The following LIN9 variants were observed in gnomAD, a reference collection of about 807,000 sequenced individuals.
LIN9 encodes protein lin-9 homolog.
Under a neutral mutation model 78.0 loss-of-function variants are expected in LIN9, and 18 were observed. The observed-to-expected ratio is 0.23, with a 90% CI of 0.16 to 0.34. LIN9 has a LOEUF of 0.34. Among genes scored for constraint, LIN9 ranks in the 10% least tolerant of loss-of-function variants. LIN9 has a pLI of 1.00. For synonymous variants in LIN9, 192 were observed against 215.2 expected (o/e 0.89, Z 0.94); for missense variants, 451 against 644.1 (o/e 0.70, Z 3.25).
At chr1:226,304,658 C>A (rs574711896) in intron 1 of LIN9, among the ~76,000 whole-genome samples, 10 of 152,130 alleles carry the variant, frequency 6.6e-5, no homozygotes, top group Non-Finnish European at 1.3e-4. Context: ...AGCAGGAAAT[C>A]AAAGCAATGA....
intron 10 of LIN9, among the ~76,000 whole-genome samples, chr1:226,258,661 C>A (rs747379597): frequency 6.6e-6 from 1 of 151,206 alleles, no homozygotes; most frequent in Non-Finnish European, 1.5e-5. Flanking sequence ...GAGGCTGATG[C>A]GAGCGGATCA....
chr1:226,264,155 G>A (rs570089887), intron 10 of LIN9, among the ~76,000 whole-genome samples: 78 of 152,162 alleles, frequency 5.1e-4, no homozygotes, highest in African/African-American at 1.7e-3. Flanking sequence ...GGCCGAGGGC[G>A]ATCATGTGAG....
intron 11 of LIN9, among the ~76,000 whole-genome samples, chr1:226,240,383 TA>T: frequency 8.1e-6 from 1 of 123,964 alleles, no homozygotes; most frequent in Non-Finnish European, 1.6e-5. Context: ...CAGCTTGTTC[TA>T]AGTTTTTTTT....
In LIN9 at chr1:226,265,638, T is replaced by C. The variant is rs778251019; in HGVS notation, c.937-4A>G. Reference sequence around the variant, plus strand: ...GTCCTAATAAAGGATCATTATCCTATGGGAATAAAAAGGAATTATTTAATC... The same window carrying C: ...GTCCTAATAAAGGATCATTATCCTACGGGAATAAAAAGGAATTATTTAATC... On this transcript the variant is annotated splice_region_variant and splice_polypyrimidine_tract_variant and intron_variant, in intron 9 of 14. Coordinates refer to ENST00000681046, the MANE Select transcript of LIN9 (RefSeq NM_001366245.2). The surrounding 1 kb of genome is among the most constrained non-coding windows in gnomAD (Gnocchi z 4.1). 10 of 1,493,534 alleles carry C rather than the reference T, an allele frequency of 6.7e-6. No individual in the cohort carries two copies. The South Asian group carries it at 1.0e-4, about 15-fold the overall frequency. 92.5% of individuals were successfully genotyped at this position (1,493,534 alleles called of 1,614,324 possible).
chr1:226,289,574 T>A (rs1001469691), intron 4 of LIN9, among the ~76,000 whole-genome samples: 3 of 151,652 alleles, frequency 2.0e-5, no homozygotes, highest in Admixed American at 6.6e-5. Context: ...TGTTACCAGG[T>A]TGGTCCCAAA....
At chr1:226,237,632 C>CAAAAAA (rs1167453006) in intron 12 of LIN9, among the ~76,000 whole-genome samples, 1 of 57,420 alleles carries the variant, frequency 1.7e-5, no homozygotes, top group Non-Finnish European at 3.3e-5. Context: ...AACTCTGTCT[C>CAAAAAA]AAAAAAAAAA....
At chr1:226,233,908 T>C (rs905152014) in intron 12 of LIN9, among the ~76,000 whole-genome samples, 1 of 152,222 alleles carries the variant, frequency 6.6e-6, no homozygotes, top group Non-Finnish European at 1.5e-5. Flanking sequence ...TCACTCCAGT[T>C]TGTATTTCCT....
At chr1:226,241,979 T>C (rs1170288593) in intron 11 of LIN9, among the ~76,000 whole-genome samples, 1 of 152,218 alleles carries the variant, frequency 6.6e-6, no homozygotes, top group Admixed American at 6.5e-5. Flanking sequence ...TCTAAAAATA[T>C]TTTTTGAGCT....
chr1:226,273,781 A>G lies in LIN9; in HGVS notation c.682+3994T>C, dbSNP rs946599809. Among the ~76,000 whole-genome samples, 10 of 151,970 alleles carry G rather than the reference A, an allele frequency of 6.6e-5. 1 individual carries two copies. In the South Asian group the frequency reaches 1.0e-3, roughly 16 times the overall value. Reference sequence around the variant, plus strand: ...CCTCCAGGTGATTCTGATGCATACTAAAGTTTTTGAGCCACAATGGGCTAG... The same window carrying G: ...CCTCCAGGTGATTCTGATGCATACTGAAGTTTTTGAGCCACAATGGGCTAG... On this transcript the variant is annotated intron_variant, in intron 7 of 14. Transcript: ENST00000681046.
At chr1:226,275,190 C>T (rs1044391243) in intron 7 of LIN9, among the ~76,000 whole-genome samples, 9 of 152,286 alleles carry the variant, frequency 5.9e-5, no homozygotes, top group Admixed American at 2.0e-4. Flanking sequence ...ATGTTTACTC[C>T]TTAAGGAGGC....
intron 6 of LIN9, among the ~76,000 whole-genome samples, chr1:226,284,823 T>A (rs924629141): frequency 1.3e-5 from 2 of 152,248 alleles, no homozygotes; most frequent in East Asian, 1.9e-4. Context: ...AGATCCTGTA[T>A]GTCTTAATGT....
At chr1:226,301,098 G>T (rs1230613321) in intron 2 of LIN9, 75 bp downstream of exon 2, 1 of 1,057,426 alleles carries the variant, frequency 9.5e-7, no homozygotes, top group East Asian at 2.5e-5. Context: ...AAGGAAAATG[G>T]AAACACTATA....
intron 4 of LIN9, among the ~76,000 whole-genome samples, chr1:226,288,259 A>G (rs1661498140): frequency 6.6e-6 from 1 of 152,238 alleles, no homozygotes; most frequent in African/African-American, 2.4e-5. Flanking sequence ...GGTGTGAGCC[A>G]CAGCGCCCAG....
chr1:226,268,020 A>C lies in LIN9; in HGVS notation c.753T>G (p.Thr251=). The C allele has an allele frequency of 6.2e-7, 1 of 1,613,280 alleles. No individual in the cohort carries two copies. Among genetic ancestry groups the C allele is most frequent in the Non-Finnish European group, 8.5e-7 (1 of 1,179,224 alleles). The part of the protein sequence containing the change: ...QIDAVDTLNA[T]YRVTFDRTGL... The stretch of plus-strand genomic sequence containing the variant: ...CTGTCCTATCAAAAGTTACTCTATA[A>C]GTAGCATTAAGAGTATCCACAGCAT... Residue 251 remains threonine (T), a synonymous_variant, in exon 8 of 15, where the codon ACT becomes ACG. Coordinates refer to ENST00000681046, the MANE Select transcript of LIN9 (RefSeq NM_001366245.2).
intron 1 of LIN9, among the ~76,000 whole-genome samples, chr1:226,303,857 C>T (rs1218593654): frequency 2.6e-5 from 4 of 152,212 alleles, no homozygotes; most frequent in South Asian, 2.1e-4. Context: ...CCACCCGGCT[C>T]GGCCTCCCAA....
At chr1:226,292,332 G>T (rs983707861) in intron 4 of LIN9, among the ~76,000 whole-genome samples, 1 of 152,060 alleles carries the variant, frequency 6.6e-6, no homozygotes, top group Non-Finnish European at 1.5e-5. Flanking sequence ...GCTAATTTTT[G>T]TATTTTTGGT....
chr1:226,279,878 A>G (rs1255739780), intron 6 of LIN9, among the ~76,000 whole-genome samples: 1 of 152,084 alleles, frequency 6.6e-6, no homozygotes, highest in Non-Finnish European at 1.5e-5. Flanking sequence ...AAGATTTTGC[A>G]GGTTATTCCT....
chr1:226,257,608 T>C (rs888169708), intron 10 of LIN9, among the ~76,000 whole-genome samples: 1 of 152,046 alleles, frequency 6.6e-6, no homozygotes, highest in Non-Finnish European at 1.5e-5. Flanking sequence ...ATGGATTAGT[T>C]GTAAAAGTAT....
chr1:226,300,722 G>A (rs1662475810), intron 2 of LIN9, among the ~76,000 whole-genome samples: 1 of 152,138 alleles, frequency 6.6e-6, no homozygotes, highest in African/African-American at 2.4e-5. Flanking sequence ...CAGGCATGGT[G>A]GCACATGCCT....
Sources: gnomAD v4.1 joint callset for allele counts (sites outside exome capture counted in the v4.1 genomes callset) on GRCh38, gnomAD v4.1.1 for gene constraint, Gnocchi (gnomAD v3.1) non-coding constraint, MANE v1.5 for transcripts, NCBI Gene and HGNC (gene_info 2026-07-23, HGNC 2026-07-21) for gene names.